Variants in PTPRD observed in about 807,000 individuals in gnomAD.
The protein encoded by PTPRD is receptor-type tyrosine-protein phosphatase delta.
PTPRD carries 34 observed loss-of-function variants against 214.5 expected under a neutral mutation model. The observed-to-expected ratio is 0.16, with a 90% CI of 0.12 to 0.21. The LOEUF (loss-of-function observed/expected upper bound fraction) is 0.21, where lower values mean the gene tolerates loss of function less well. Ranked by LOEUF, PTPRD falls within the 10% of genes least tolerant of loss-of-function variation. The pLI, the probability that PTPRD is intolerant of heterozygous loss-of-function variation, is 1.00. For missense variants in PTPRD, 2,545 were observed against 2,398.7 expected (o/e 1.06, Z -1.27); for synonymous variants, 1,128 against 845.7 (o/e 1.33, Z -5.79).
At chr9:9,498,163 T>G (rs1214911186) in intron 8 of PTPRD, among the ~76,000 whole-genome samples, 2 of 152,104 alleles carry the variant, frequency 1.3e-5, no homozygotes, top group Non-Finnish European at 2.9e-5. Flanking sequence ...TGTTCAACAT[T>G]GTTTTAGCGG....
intron 2 of PTPRD, among the ~76,000 whole-genome samples, chr9:10,480,040 C>A (rs1855851): frequency 6.6e-6 from 1 of 152,006 alleles, no homozygotes; most frequent in Non-Finnish European, 1.5e-5. Flanking sequence ...TTGTTCTCAT[C>A]CTGGTGAAAG....
chr9:8,644,181 A>C (rs1209902224), intron 12 of PTPRD, among the ~76,000 whole-genome samples: 1 of 151,812 alleles, frequency 6.6e-6, no homozygotes, highest in East Asian at 1.9e-4. Flanking sequence ...CTCTCTGATG[A>C]GAACTGAGGA....
At chr9:10,155,697 G>A (rs1446100256) in intron 3 of PTPRD, among the ~76,000 whole-genome samples, 3 of 152,040 alleles carry the variant, frequency 2.0e-5, no homozygotes, top group African/African-American at 7.2e-5. Context: ...CATCTATTGA[G>A]ATAAGTATGT....
At chr9:9,047,943 A>G (rs74319770) in intron 10 of PTPRD, among the ~76,000 whole-genome samples, 8,258 of 152,186 alleles carry the variant, frequency 0.054, 327 homozygotes, top group Middle Eastern at 0.075. Flanking sequence ...GTGAAAAGAA[A>G]CCTCACAGAA....
chr9:9,809,642 G>A (rs948415610), intron 5 of PTPRD, among the ~76,000 whole-genome samples: 6 of 152,102 alleles, frequency 3.9e-5, no homozygotes, highest in African/African-American at 1.4e-4. Context: ...GTTCATGAGA[G>A]GGGTAATGGA....
chr9:10,461,709 G>A (rs2098960349), intron 2 of PTPRD, among the ~76,000 whole-genome samples: 1 of 150,260 alleles, frequency 6.7e-6, no homozygotes, highest in Non-Finnish European at 1.5e-5. Flanking sequence ...TGCAACCTCT[G>A]CGTCCTGGGT....
chr9:9,170,085 T>G (rs1244170567), intron 10 of PTPRD, among the ~76,000 whole-genome samples: 3 of 152,190 alleles, frequency 2.0e-5, no homozygotes, highest in South Asian at 2.1e-4. Flanking sequence ...AAAATTAAAC[T>G]TTTTTCAACT....
intron 5 of PTPRD, among the ~76,000 whole-genome samples, chr9:9,923,527 G>C (rs1415748739): frequency 6.6e-6 from 1 of 151,748 alleles, no homozygotes; most frequent in African/African-American, 2.4e-5. Context: ...CCACACAAAG[G>C]TATATCAAGA....
chr9:9,347,954 A>G (rs2049515672), intron 9 of PTPRD, among the ~76,000 whole-genome samples: 1 of 152,158 alleles, frequency 6.6e-6, no homozygotes, highest in Non-Finnish European at 1.5e-5. Context: ...ATCAGTAGCC[A>G]TTACTGCCTA....
intron 5 of PTPRD, among the ~76,000 whole-genome samples, chr9:9,805,419 C>A (rs772268711): frequency 6.6e-6 from 1 of 152,036 alleles, no homozygotes; most frequent in Non-Finnish European, 1.5e-5. Flanking sequence ...AGAGTTCAAA[C>A]GCAAGGTGAT....
At chr9:10,179,412 T>A (rs2099268776) in intron 3 of PTPRD, among the ~76,000 whole-genome samples, 1 of 151,978 alleles carries the variant, frequency 6.6e-6, no homozygotes, top group Non-Finnish European at 1.5e-5. Context: ...ACAAGGTGAA[T>A]AAAGAAGTTA....
At chr9:10,156,182 G>A (rs979133109) in intron 3 of PTPRD, among the ~76,000 whole-genome samples, 4 of 147,398 alleles carry the variant, frequency 2.7e-5, no homozygotes, top group African/African-American at 9.9e-5. Context: ...GCCAGCTTTG[G>A]CATTGGTTTA....
At chr9:9,129,312 C>T (rs1182630290) in intron 10 of PTPRD, among the ~76,000 whole-genome samples, 2 of 152,148 alleles carry the variant, frequency 1.3e-5, no homozygotes, top group Non-Finnish European at 2.9e-5. Flanking sequence ...ATCACTGGAA[C>T]CCAGGAGGCA....
intron 11 of PTPRD, among the ~76,000 whole-genome samples, chr9:8,763,339 C>T (rs1037103238): frequency 1.3e-5 from 2 of 151,728 alleles, no homozygotes; most frequent in East Asian, 3.9e-4. Context: ...TAACGAAACC[C>T]CATCTCTAAT....
chr9:10,507,166 G>GA (rs2046286178), intron 2 of PTPRD, among the ~76,000 whole-genome samples: 1 of 152,120 alleles, frequency 6.6e-6, no homozygotes, highest in Non-Finnish European at 1.5e-5. Flanking sequence ...GACAAACAGA[G>GA]AGCCAGATCA....
intron 10 of PTPRD, among the ~76,000 whole-genome samples, chr9:9,123,847 A>C (rs964475116): frequency 3.3e-5 from 5 of 152,218 alleles, no homozygotes; most frequent in African/African-American, 1.2e-4. Context: ...AGGAATAGCC[A>C]CAATGAATCA....
intron 10 of PTPRD, 93 bp downstream of exon 10, chr9:9,183,211 C>T (rs2099929266): frequency 6.6e-6 from 1 of 151,822 alleles, no homozygotes; most frequent in South Asian, 2.1e-4. Flanking sequence ...TCCATCCTAA[C>T]CAATATTCGT....
intron 8 of PTPRD, among the ~76,000 whole-genome samples, chr9:9,519,734 G>A (rs1384645017): frequency 6.6e-6 from 1 of 151,850 alleles, no homozygotes; most frequent in Non-Finnish European, 1.5e-5. Context: ...ATACAAGATG[G>A]TTCATCAATT....
intron 10 of PTPRD, among the ~76,000 whole-genome samples, chr9:9,163,542 C>T (rs1324858578): frequency 1.3e-5 from 2 of 151,948 alleles, no homozygotes; most frequent in South Asian, 2.1e-4. Context: ...TTTTTCTCCT[C>T]ATTGGTTGCC....
Sources: gnomAD v4.1 joint callset for allele counts (sites outside exome capture counted in the v4.1 genomes callset) on GRCh38, gnomAD v4.1.1 for gene constraint, MANE v1.5 for transcripts, NCBI Gene and HGNC (gene_info 2026-07-23, HGNC 2026-07-21) for gene names.